ATAD2B: variants seen among roughly 807,000 people sequenced by gnomAD.
ATAD2B encodes ATPase family AAA domain containing 2B, also known as ATPase family AAA domain-containing protein 2B.
A neutral mutation model predicts 167.6 loss-of-function variants in ATAD2B; 40 were observed. That is an observed-to-expected ratio of 0.24 (90% CI 0.19 to 0.31). The LOEUF is 0.31. Ranked by LOEUF, ATAD2B falls within the 10% of genes least tolerant of loss-of-function variation. ATAD2B has a pLI of 1.00. For synonymous variants in ATAD2B, 579 were observed against 596.5 expected (o/e 0.97, Z 0.43); for missense variants, 1,242 against 1,757.2 (o/e 0.71, Z 5.24).
intron 2 of ATAD2B, among the ~76,000 whole-genome samples, chr2:23,889,302 G>T (rs913893096): frequency 7.9e-5 from 12 of 151,924 alleles, no homozygotes; most frequent in African/African-American, 2.7e-4. Context: ...CAAGTAGCTG[G>T]AATTACAGGC....
At chr2:23,841,089 T>C (rs897585286) in intron 13 of ATAD2B, among the ~76,000 whole-genome samples, 2 of 150,128 alleles carry the variant, frequency 1.3e-5, no homozygotes, top group African/African-American at 2.4e-5. Context: ...TGCACTATCA[T>C]GCATGGCTAT....
chr2:23,868,625 C>A (rs1695485918), intron 9 of ATAD2B, among the ~76,000 whole-genome samples: 1 of 152,062 alleles, frequency 6.6e-6, no homozygotes, highest in Non-Finnish European at 1.5e-5. Context: ...TATGTCTACT[C>A]AGTTATATGA....
chr2:23,883,084 G>C (rs565483818), intron 6 of ATAD2B, among the ~76,000 whole-genome samples: 1 of 152,000 alleles, frequency 6.6e-6, no homozygotes, highest in Admixed American at 6.6e-5. Flanking sequence ...GACCAGCCTG[G>C]GCAACAAACA....
At position 23,896,759 on chromosome 2, in the gene ATAD2B, A is replaced by T. The variant is rs570890704; in HGVS notation, c.217-789T>A. Among the ~76,000 whole-genome samples, 44 of 152,302 alleles carry T rather than the reference A, an allele frequency of 2.9e-4. 2 individuals carry two copies. In the East Asian group the frequency reaches 7.9e-3, roughly 27 times the overall value. ...GGTGCAGGATCCTAAACAGAAACAC[A>T]TATTGCATTTAGTTAATGGACCTCC... On this transcript the variant is annotated intron_variant, in intron 1 of 27. Coordinates refer to ENST00000238789, the MANE Select transcript of ATAD2B (RefSeq NM_017552.4).
intron 6 of ATAD2B, 77 bp from the exon 7 acceptor site, chr2:23,880,832 T>C (rs926917688): frequency 2.4e-6 from 2 of 825,268 alleles, no homozygotes; most frequent in African/African-American, 1.7e-5. Flanking sequence ...TAGAACTGAA[T>C]ATTTACACTT....
chr2:23,913,802 A>G (rs1336152889), intron 1 of ATAD2B, among the ~76,000 whole-genome samples: 3 of 152,210 alleles, frequency 2.0e-5, no homozygotes, highest in East Asian at 1.9e-4. Flanking sequence ...TCAAAACCAT[A>G]GTATGAAAAA....
the ATAD2B span, among the ~76,000 whole-genome samples, chr2:23,688,059 G>A: frequency 6.6e-6 from 1 of 152,168 alleles, no homozygotes; most frequent in African/African-American, 2.4e-5. Flanking sequence ...CCCTGAGCAT[G>A]TGTGGGTGGC....
the ATAD2B span, among the ~76,000 whole-genome samples, chr2:23,678,419 G>C: frequency 6.6e-6 from 1 of 152,130 alleles, no homozygotes; most frequent in Non-Finnish European, 1.5e-5. Context: ...CTCACTCTCC[G>C]GGGACCCCTG....
chr2:23,894,861 C>A (rs1699984019), intron 2 of ATAD2B, among the ~76,000 whole-genome samples: 1 of 152,028 alleles, frequency 6.6e-6, no homozygotes, highest in South Asian at 2.1e-4. Flanking sequence ...ATGCAAATTA[C>A]AAAAACATAA....
chr2:23,858,129 T>C (rs1303375622), intron 12 of ATAD2B, among the ~76,000 whole-genome samples: 1 of 151,618 alleles, frequency 6.6e-6, no homozygotes, highest in Non-Finnish European at 1.5e-5. Context: ...TATTTATTTA[T>C]TTATTTTTTG....
At chr2:23,851,840 G>C (rs887335584) in intron 13 of ATAD2B, among the ~76,000 whole-genome samples, 10 of 150,906 alleles carry the variant, frequency 6.6e-5, no homozygotes, top group African/African-American at 2.2e-4. Flanking sequence ...AATAATAGTA[G>C]AAAATCTATG....
the ATAD2B span, among the ~76,000 whole-genome samples, chr2:23,680,679 G>A: frequency 2.0e-5 from 3 of 151,080 alleles, no homozygotes; most frequent in Admixed American, 1.3e-4. The surrounding 1 kb of genome is among the most constrained non-coding windows in gnomAD (Gnocchi z 4.1). Flanking sequence ...GGCTCTCTAG[G>A]CCATCTTCCC....
At chr2:23,835,803 G>A (rs1689841500) in intron 13 of ATAD2B, among the ~76,000 whole-genome samples, 1 of 152,030 alleles carries the variant, frequency 6.6e-6, no homozygotes, top group African/African-American at 2.4e-5. Context: ...CGGTGCGGTG[G>A]CACGCACCTG....
At position 23,805,795 on chromosome 2, in the gene ATAD2B, T is replaced by TAAAAAAAAAAA. The variant is rs3030816; in HGVS notation, c.2454+4510_2454+4520dup. On this transcript the variant is annotated intron_variant, in intron 18 of 27. Transcript: ENST00000238789. ...ATCTCCAAATGGCATTATCAAGCTTTAAAAAAAAAAAAACAAATCTGATAC... is the reference window on the plus strand; with the variant it reads ...ATCTCCAAATGGCATTATCAAGCTTTAAAAAAAAAAAAAAAAAAAAAAAACAAATCTGATAC... Among the ~76,000 whole-genome samples the TAAAAAAAAAAA allele has an allele frequency of 4.2e-3, 422 of 100,914 alleles. 19 individuals carry two copies. Among genetic ancestry groups the TAAAAAAAAAAA allele is most frequent in the African/African-American group, 8.8e-3 (258 of 29,402 alleles). The allele number at this position is 100,914 out of a possible 152,430, so 66.2% of individuals were successfully genotyped here.
the ATAD2B span, among the ~76,000 whole-genome samples, chr2:23,731,857 G>T: frequency 6.6e-6 from 1 of 151,960 alleles, no homozygotes; most frequent in East Asian, 1.9e-4. Context: ...TGTGCCTTTA[G>T]TCCTAGCTAC....
chr2:23,704,214 G>T, the ATAD2B span, among the ~76,000 whole-genome samples: 7 of 152,238 alleles, frequency 4.6e-5, no homozygotes, highest in African/African-American at 1.7e-4. Context: ...GGCCAGAGCT[G>T]TGTGATGCCC....
At chr2:23,880,576 AG>A in intron 7 of ATAD2B, 62 bp downstream of exon 7, 1 of 897,466 alleles carries the variant, frequency 1.1e-6, no homozygotes, top group Non-Finnish European at 1.7e-6. Context: ...AAAAAAAAAA[AG>A]CAGTGGGGCA....
chr2:23,805,712 A>T (rs986794831), intron 18 of ATAD2B, among the ~76,000 whole-genome samples: 1 of 151,896 alleles, frequency 6.6e-6, no homozygotes, highest in Non-Finnish European at 1.5e-5. Context: ...GATGGTGCCA[A>T]ATTACACTCC....
intron 8 of ATAD2B, among the ~76,000 whole-genome samples, chr2:23,870,968 T>C (rs1048201955): frequency 6.6e-6 from 1 of 152,110 alleles, no homozygotes; most frequent in Non-Finnish European, 1.5e-5. Flanking sequence ...CTAAGACACC[T>C]AAAAAATACT....
Sources: allele counts gnomAD v4.1 joint callset (sites outside exome capture counted in the v4.1 genomes callset), GRCh38; gene constraint gnomAD v4.1.1; non-coding constraint Gnocchi (gnomAD v3.1); transcripts MANE v1.5; gene names NCBI Gene and HGNC (gene_info 2026-07-23, HGNC 2026-07-21).